ERGIC1: variants seen among roughly 807,000 people sequenced by gnomAD.
The protein encoded by ERGIC1 is endoplasmic reticulum-Golgi intermediate compartment protein 1.
In ERGIC1, 19 loss-of-function variants were observed where a neutral mutation model predicts 38.3. The observed-to-expected ratio is 0.50, with a 90% CI of 0.35 to 0.73. The LOEUF (loss-of-function observed/expected upper bound fraction) is 0.73, where lower values mean the gene tolerates loss of function less well. Ranked by LOEUF, ERGIC1 falls within the 30% of genes least tolerant of loss-of-function variation. The probability of loss-of-function intolerance (pLI) is 0.01; values close to 1 mark genes in which losing one functional copy is unlikely to be tolerated. For synonymous variants in ERGIC1, 124 were observed against 157.6 expected, an observed-to-expected ratio of 0.79 and a Z score of 1.60; for missense variants, 294 against 389.2, an observed-to-expected ratio of 0.76 and a Z score of 2.06.
intron 1 of ERGIC1, among the ~76,000 whole-genome samples, chr5:172,875,554 G>T (rs1241837225): frequency 3.9e-5 from 6 of 152,128 alleles, no homozygotes; most frequent in Non-Finnish European, 7.3e-5. Context: ...AAAGTAAGTG[G>T]TTAGGGTTAA....
chr5:172,905,361 C>T, intron 3 of ERGIC1: 1 of 438,724 alleles, frequency 2.3e-6, no homozygotes, highest in Non-Finnish European at 4.9e-6. Flanking sequence ...CCAGGCAGAG[C>T]ATTTGGCTGT....
In ERGIC1 at chr5:172,951,908, C is replaced by T. The variant is rs943906501; in HGVS notation, c.*1092C>T. The T allele has an allele frequency of 1.3e-5, 2 of 152,292 alleles. No individual in the cohort carries two copies. Among genetic ancestry groups the T allele is most frequent in the Admixed American group, 1.3e-4 (2 of 15,286 alleles). The allele number at this position is 152,292 out of a possible 1,614,324, so 9.4% of individuals were successfully genotyped here. A position where few individuals can be genotyped will look rare whatever the true frequency, so the allele number is the denominator to read the frequency against. ...ACGGGTGCAGAGCACTTGGGTTTCT[C>T]TACAGCCATCGTGGCCCACTTGACA... On this transcript the variant is annotated 3_prime_UTR_variant, in exon 10 of 10. Coordinates refer to ENST00000393784, the MANE Select transcript of ERGIC1 (RefSeq NM_001031711.3).
chr5:172,852,190 G>A (rs116348957), intron 1 of ERGIC1, among the ~76,000 whole-genome samples: 2,101 of 152,300 alleles, frequency 0.014, 29 homozygotes, highest in Non-Finnish European at 0.022. Context: ...TGTGCTTAAA[G>A]ACACCATCAA....
intron 1 of ERGIC1, among the ~76,000 whole-genome samples, chr5:172,864,886 A>G (rs1181095924): frequency 6.6e-6 from 1 of 152,080 alleles, no homozygotes; most frequent in Non-Finnish European, 1.5e-5. Flanking sequence ...ACAGCAAGTA[A>G]GAGCAAATTA....
At chr5:172,877,464 T>A (rs1443171436) in intron 1 of ERGIC1, among the ~76,000 whole-genome samples, 3,698 of 136,172 alleles carry the variant, frequency 0.027, 103 homozygotes, top group African/African-American at 0.057. Flanking sequence ...ATATATTTTT[T>A]TTTTTTTTTT....
intron 3 of ERGIC1, among the ~76,000 whole-genome samples, chr5:172,908,052 C>A (rs536893538): frequency 6.6e-6 from 1 of 151,682 alleles, no homozygotes; most frequent in African/African-American, 2.4e-5. Context: ...ATGGCCGATG[C>A]GGTCGACAGA....
At chr5:172,909,362 G>T (rs1455158098) in intron 3 of ERGIC1, among the ~76,000 whole-genome samples, 2 of 152,022 alleles carry the variant, frequency 1.3e-5, no homozygotes, top group Non-Finnish European at 2.9e-5. Context: ...GTTTCACCAT[G>T]TTGGTCAGGC....
chr5:172,884,982 C>T (rs1026184066), intron 1 of ERGIC1, among the ~76,000 whole-genome samples: 32 of 152,176 alleles, frequency 2.1e-4, no homozygotes, highest in Non-Finnish European at 4.1e-4. Flanking sequence ...ACCAGTCTCT[C>T]TGTATGTAAC....
intron 9 of ERGIC1, among the ~76,000 whole-genome samples, chr5:172,941,281 C>T (rs774445142): frequency 6.6e-6 from 1 of 152,126 alleles, no homozygotes; most frequent in Non-Finnish European, 1.5e-5. Flanking sequence ...CATATTTTCC[C>T]TAGCCAGACA....
At chr5:172,872,830 A>G (rs1253820879) in intron 1 of ERGIC1, among the ~76,000 whole-genome samples, 2 of 152,066 alleles carry the variant, frequency 1.3e-5, no homozygotes, top group East Asian at 1.9e-4. Flanking sequence ...AAAAGAAAAA[A>G]AGAAAAAAGA....
At position 172,920,271 on chromosome 5, in the gene ERGIC1, G is replaced by A. The variant is rs1416307047; in HGVS notation, c.376-3734G>A. On this transcript the variant is annotated intron_variant, in intron 5 of 9. Coordinates refer to ENST00000393784, the MANE Select transcript of ERGIC1 (RefSeq NM_001031711.3). Reference sequence around the variant, plus strand: ...GCTCAAAGAAGCCACCAGGGTCCATGTGCTGTGATGGCAAGGTCAGCAGCC... The same window carrying A: ...GCTCAAAGAAGCCACCAGGGTCCATATGCTGTGATGGCAAGGTCAGCAGCC... 8.4e-6 allele frequency: 6 copies of A among 715,394 alleles called. No individual in the cohort carries two copies. The African/African-American group carries it at 1.0e-4, about 13-fold the overall frequency. The allele number at this position is 715,394 out of a possible 1,614,324, so 44.3% of individuals were successfully genotyped here.
chr5:172,905,139 A>G (rs575905998), intron 3 of ERGIC1: 36 of 170,900 alleles, frequency 2.1e-4, no homozygotes, highest in African/African-American at 7.7e-4. Context: ...GGATGACATC[A>G]TCCCACAATC....
At chr5:172,911,132 G>A (rs968658807) in intron 4 of ERGIC1, among the ~76,000 whole-genome samples, 19 of 152,158 alleles carry the variant, frequency 1.2e-4, no homozygotes, top group African/African-American at 4.6e-4. Flanking sequence ...CCCTCTTCCT[G>A]TTAAAGGACA....
chr5:172,920,439 T>C, intron 5 of ERGIC1: 1 of 717,658 alleles, frequency 1.4e-6, no homozygotes, highest in Non-Finnish European at 2.6e-6. Flanking sequence ...GACCCCACGG[T>C]GACCTCGTTT....
At chr5:172,891,592 AC>A (rs796257887) in intron 2 of ERGIC1, among the ~76,000 whole-genome samples, 6 of 151,948 alleles carry the variant, frequency 3.9e-5, no homozygotes, top group African/African-American at 1.4e-4. Context: ...GATGCCCACC[AC>A]CATGCCAAGC....
intron 1 of ERGIC1, among the ~76,000 whole-genome samples, chr5:172,850,108 G>T (rs373290846): frequency 6.6e-6 from 1 of 152,104 alleles, no homozygotes. Context: ...GTTCAGTGTC[G>T]CCCTGATGTA....
intron 3 of ERGIC1, chr5:172,898,105 C>T (rs1342612881): frequency 7.7e-6 from 3 of 389,026 alleles, no homozygotes; most frequent in Middle Eastern, 6.4e-4. Context: ...AAAGTCATCA[C>T]GGAGCTCGGC....
chr5:172,838,082 C>T (rs1248919630), intron 1 of ERGIC1, among the ~76,000 whole-genome samples: 1 of 152,198 alleles, frequency 6.6e-6, no homozygotes, highest in East Asian at 1.9e-4. Context: ...TGCTCTGGGA[C>T]CATTGACTTC....
intron 1 of ERGIC1, among the ~76,000 whole-genome samples, chr5:172,842,470 G>T (rs1467060599): frequency 6.6e-6 from 1 of 152,174 alleles, no homozygotes; most frequent in Non-Finnish European, 1.5e-5. Context: ...GAATAATGCT[G>T]CAGTGAGCAT....
Sources: allele counts gnomAD v4.1 joint callset (sites outside exome capture counted in the v4.1 genomes callset), GRCh38; gene constraint gnomAD v4.1.1; transcripts MANE v1.5; gene names NCBI Gene and HGNC (gene_info 2026-07-23, HGNC 2026-07-21).